Variants in SLC2A9 observed in about 807,000 individuals in gnomAD.
SLC2A9 encodes solute carrier family 2 member 9.
SLC2A9 carries 39 observed loss-of-function variants against 50.6 expected under a neutral mutation model. The observed-to-expected ratio is 0.77, with a 90% CI of 0.60 to 1.01. The LOEUF is 1.01. Among genes scored for constraint, SLC2A9 ranks in the 50% least tolerant of loss-of-function variants. The pLI is 0.00. For missense variants in SLC2A9, 686 were observed against 677.6 expected (o/e 1.01, Z -0.14); for synonymous variants, 324 against 276.9 (o/e 1.17, Z -1.69).
intron 5 of SLC2A9, 35 bp from the exon 6 acceptor site, chr4:9,942,080 C>T (rs776692625): frequency 6.2e-7 from 1 of 1,613,262 alleles, no homozygotes; most frequent in South Asian, 1.1e-5. Flanking sequence ...AGTGCAGTGG[C>T]CTTTGGTCAT....
intron 10 of SLC2A9, among the ~76,000 whole-genome samples, chr4:9,847,203 T>C (rs959302055): frequency 7.2e-5 from 11 of 152,224 alleles, no homozygotes; most frequent in African/African-American, 2.7e-4. Flanking sequence ...AGAGGCTTAA[T>C]TGACTTACAG....
chr4:9,891,967 A>G (rs1315164032), intron 8 of SLC2A9, among the ~76,000 whole-genome samples: 1 of 152,196 alleles, frequency 6.6e-6, no homozygotes, highest in East Asian at 1.9e-4. Context: ...CACTGAGACG[A>G]ACAGTTGCAA....
At chr4:9,883,324 A>G (rs533590890) in intron 10 of SLC2A9, among the ~76,000 whole-genome samples, 1 of 152,206 alleles carries the variant, frequency 6.6e-6, no homozygotes, top group Non-Finnish European at 1.5e-5. Flanking sequence ...AGTCCAGGGT[A>G]GTGTGTAGAG....
At chr4:9,771,392 G>C in intron 1 of SLC2A9, 1 of 397,974 alleles carries the variant, frequency 2.5e-6, no homozygotes, top group Non-Finnish European at 4.4e-6. Flanking sequence ...AGAGGGTGTA[G>C]AGTCATGCCA....
At chr4:9,907,188 A>C (rs1560280367) in intron 8 of SLC2A9, among the ~76,000 whole-genome samples, 1 of 152,236 alleles carries the variant, frequency 6.6e-6, no homozygotes, top group Non-Finnish European at 1.5e-5. Context: ...TTTGGAAGGG[A>C]GCCTAACTGT....
chr4:9,820,710 G>A (rs921634501), intron 3 of SLC2A9, among the ~76,000 whole-genome samples: 1 of 152,166 alleles, frequency 6.6e-6, no homozygotes, highest in South Asian at 2.1e-4. Flanking sequence ...CTATTATGAA[G>A]AGCAACTTTT....
chr4:9,993,256 C>T (rs190509095), intron 3 of SLC2A9, among the ~76,000 whole-genome samples: 95 of 152,240 alleles, frequency 6.2e-4, no homozygotes, highest in Admixed American at 1.2e-3. Context: ...TTGCTCCAGA[C>T]GGAAGAACCA....
intron 10 of SLC2A9, among the ~76,000 whole-genome samples, chr4:9,864,749 T>C (rs1179187151): frequency 6.6e-6 from 1 of 152,244 alleles, no homozygotes; most frequent in African/African-American, 2.4e-5. Flanking sequence ...CTTCCTGTCC[T>C]TGTATACTTA....
intron 7 of SLC2A9, among the ~76,000 whole-genome samples, chr4:9,912,107 A>G (rs1405654470): frequency 3.3e-5 from 5 of 152,076 alleles, no homozygotes; most frequent in African/African-American, 9.7e-5. Flanking sequence ...ACATGGACAC[A>G]GGAAGGGGAA....
At chr4:9,903,246 C>T (rs1370856046) in intron 8 of SLC2A9, among the ~76,000 whole-genome samples, 1 of 148,360 alleles carries the variant, frequency 6.7e-6, no homozygotes, top group Non-Finnish European at 1.5e-5. Context: ...CTACAGGCAA[C>T]AGAAACCATA....
intron 8 of SLC2A9, among the ~76,000 whole-genome samples, chr4:9,895,036 A>G (rs1738263744): frequency 6.6e-6 from 1 of 152,246 alleles, no homozygotes. Flanking sequence ...TTTTTAAAAA[A>G]GAGTTTCAAG....
chr4:9,779,228 T>C (rs1194071248), downstream of SLC2A9, among the ~76,000 whole-genome samples: 1 of 152,128 alleles, frequency 6.6e-6, no homozygotes, highest in Admixed American at 6.6e-5. Flanking sequence ...CTTTGCCTAC[T>C]TAACTGTGAT....
At chr4:10,017,800 G>A (rs747722552) in intron 2 of SLC2A9, among the ~76,000 whole-genome samples, 6 of 147,220 alleles carry the variant, frequency 4.1e-5, no homozygotes, top group Non-Finnish European at 9.0e-5. Context: ...TCCTACATCC[G>A]TGTCCCCAAA....
At chr4:9,980,009 C>A (rs982763359) in intron 5 of SLC2A9, among the ~76,000 whole-genome samples, 4 of 152,124 alleles carry the variant, frequency 2.6e-5, no homozygotes, top group Non-Finnish European at 5.9e-5. Context: ...TGAGTTTACC[C>A]CACCCCATTC....
intron 5 of SLC2A9, among the ~76,000 whole-genome samples, chr4:9,959,590 G>A (rs1751916919): frequency 6.6e-6 from 1 of 152,172 alleles, no homozygotes; most frequent in South Asian, 2.1e-4. Context: ...GGAGCTTGAG[G>A]GGGTGGGACG....
intron 3 of SLC2A9, chr4:9,781,560 G>A (rs1382185575): frequency 1.3e-5 from 2 of 155,448 alleles, no homozygotes; most frequent in African/African-American, 2.4e-5. Flanking sequence ...CACAGGTGGG[G>A]CGGGAGTCGA....
intron 10 of SLC2A9, among the ~76,000 whole-genome samples, chr4:9,864,304 G>C (rs1352689759): frequency 1.3e-5 from 2 of 152,124 alleles, no homozygotes; most frequent in Non-Finnish European, 2.9e-5. Flanking sequence ...ATTTAGCCAA[G>C]ACACTCATGT....
At chr4:10,003,605 G>T (rs1760250130) in intron 2 of SLC2A9, among the ~76,000 whole-genome samples, 1 of 152,144 alleles carries the variant, frequency 6.6e-6, no homozygotes, top group African/African-American at 2.4e-5. Flanking sequence ...TTGTCTTCCA[G>T]GTCTGAATTC....
chr4:10,006,664 C>T (rs1482581306), intron 2 of SLC2A9: 1 of 152,140 alleles, frequency 6.6e-6, no homozygotes, highest in Non-Finnish European at 1.5e-5. Flanking sequence ...ACGCCTGAGA[C>T]TTCTCTTCCT....
Sources: allele counts gnomAD v4.1 joint callset (sites outside exome capture counted in the v4.1 genomes callset), GRCh38; gene constraint gnomAD v4.1.1; transcripts MANE v1.5; gene names NCBI Gene and HGNC (gene_info 2026-07-23, HGNC 2026-07-21).